SLC17A1: variants seen among roughly 807,000 people sequenced by gnomAD.
SLC17A1 encodes sodium-dependent phosphate transport protein 1.
Under a neutral mutation model 53.5 loss-of-function variants are expected in SLC17A1, and 51 were observed. That is an observed-to-expected ratio of 0.95 (90% CI 0.76 to 1.20). The LOEUF (loss-of-function observed/expected upper bound fraction) is 1.20, where lower values mean the gene tolerates loss of function less well. Ranked by LOEUF, SLC17A1 falls within the 50% of genes most tolerant of loss-of-function variation. The pLI is 0.00. For synonymous variants in SLC17A1, 179 were observed against 198.8 expected, an observed-to-expected ratio of 0.90 and a Z score of 0.84; for missense variants, 538 against 568.2, an observed-to-expected ratio of 0.95 and a Z score of 0.54.
At chr6:25,774,718 G>A in the SLC17A1 span, among the ~76,000 whole-genome samples, 1 of 152,200 alleles carries the variant, frequency 6.6e-6, no homozygotes. Context: ...AGAGGCCAAG[G>A]CTGAGGAAGA....
intron 1 of SLC17A1, among the ~76,000 whole-genome samples, chr6:25,831,030 G>A (rs1246730226): frequency 2.0e-5 from 3 of 152,112 alleles, no homozygotes; most frequent in Admixed American, 1.3e-4. Flanking sequence ...AGTAAGCAAA[G>A]GTAAAACAAA....
chr6:25,831,343 A>G (rs1764939923), intron 1 of SLC17A1, among the ~76,000 whole-genome samples: 1 of 152,188 alleles, frequency 6.6e-6, no homozygotes, highest in Admixed American at 6.5e-5. Flanking sequence ...AGTGCCCCAA[A>G]GATACCAAAG....
At chr6:25,734,979 A>G in the SLC17A1 span, among the ~76,000 whole-genome samples, 5 of 152,240 alleles carry the variant, frequency 3.3e-5, no homozygotes, top group Non-Finnish European at 7.3e-5. Context: ...TTGGAAATCA[A>G]CAGTTCTCAG....
At chr6:25,818,417 G>A (rs565276773) in intron 6 of SLC17A1, among the ~76,000 whole-genome samples, 3 of 152,230 alleles carry the variant, frequency 2.0e-5, no homozygotes, top group East Asian at 3.9e-4. Flanking sequence ...GAATTTCACC[G>A]GATCTCATAC....
intron 10 of SLC17A1, 97 bp downstream of exon 10, chr6:25,811,301 C>G: frequency 7.5e-7 from 1 of 1,334,618 alleles, no homozygotes. Context: ...AGCCATTCCA[C>G]AAAGTATCCA....
chr6:25,783,274 T>C (rs1763306636), intron 12 of SLC17A1, 56 bp from the exon 13 acceptor site: 1 of 152,176 alleles, frequency 6.6e-6, no homozygotes. Flanking sequence ...TTGTGAGTCC[T>C]TGTACACAGA....
intron 12 of SLC17A1, among the ~76,000 whole-genome samples, chr6:25,785,978 C>A (rs1763374402): frequency 2.0e-5 from 3 of 152,156 alleles, no homozygotes; most frequent in Non-Finnish European, 4.4e-5. Flanking sequence ...TAGGTATATA[C>A]CCCACAAAAT....
chr6:25,793,428 C>A (rs1763542887), intron 12 of SLC17A1, among the ~76,000 whole-genome samples: 1 of 152,190 alleles, frequency 6.6e-6, no homozygotes, highest in African/African-American at 2.4e-5. Context: ...AAGAGAGGCA[C>A]ATTATTTTTT....
At chr6:25,726,126 C>CG in the SLC17A1 span, 1 of 1,520,622 alleles carries the variant, frequency 6.6e-7, no homozygotes, top group Non-Finnish European at 8.8e-7. Context: ...CAATGACAAC[C>CG]TTAAGTTACT....
At chr6:25,730,510 G>C in the SLC17A1 span, among the ~76,000 whole-genome samples, 107 of 152,236 alleles carry the variant, frequency 7.0e-4, no homozygotes, top group Admixed American at 2.7e-3. Flanking sequence ...GGGAGTGGTG[G>C]GAAGATATTG....
the SLC17A1 span, chr6:25,773,321 T>C: frequency 6.2e-7 from 1 of 1,613,994 alleles, no homozygotes. Context: ...CTCTCATTTA[T>C]GATGATCCTG....
the SLC17A1 span, chr6:25,726,398 T>A: frequency 1.2e-6 from 2 of 1,614,032 alleles, no homozygotes; most frequent in Non-Finnish European, 1.7e-6. Flanking sequence ...CCTGCCCCTA[T>A]CCGCTCTGCA....
the SLC17A1 span, among the ~76,000 whole-genome samples, chr6:25,750,752 G>C: frequency 6.6e-6 from 1 of 152,048 alleles, no homozygotes; most frequent in South Asian, 2.1e-4. Flanking sequence ...AAAGGAGACT[G>C]TGACTTATCA....
chr6:25,755,608 C>T, the SLC17A1 span, among the ~76,000 whole-genome samples: 1 of 152,118 alleles, frequency 6.6e-6, no homozygotes, highest in Non-Finnish European at 1.5e-5. Flanking sequence ...GAATGGCTGG[C>T]TCCATTTCTT....
At chr6:25,797,169 T>C (rs1424192657) in intron 12 of SLC17A1, among the ~76,000 whole-genome samples, 1 of 152,248 alleles carries the variant, frequency 6.6e-6, no homozygotes, top group Non-Finnish European at 1.5e-5. Flanking sequence ...AAACCCTCCT[T>C]GGTTTTACAT....
chr6:25,728,740 G>C, the SLC17A1 span, among the ~76,000 whole-genome samples: 1 of 152,196 alleles, frequency 6.6e-6, no homozygotes, highest in Non-Finnish European at 1.5e-5. Flanking sequence ...CTTGAACCCG[G>C]GAGGCGGAGG....
In SLC17A1 at chr6:25,819,773, A is replaced by G; in HGVS notation, c.350T>C (p.Leu117Pro). ...GATGAGCAGGCTTAACACAGAGCTGAGGCATAATGCAAAGCCAATCATTTT... is the reference window on the plus strand; with the variant it reads ...GATGAGCAGGCTTAACACAGAGCTGGGGCATAATGCAAAGCCAATCATTTT... Reference protein sequence around the residue: ...TKKMIGFALCLSSVLSLLIPP... With the variant: ...TKKMIGFALCPSSVLSLLIPP... Residue 117 changes from leucine (L) to proline (P), a missense_variant, in exon 4 of 13, where the codon CTC becomes CCC. Coordinates refer to ENST00000244527, the MANE Select transcript of SLC17A1 (RefSeq NM_005074.5). 1 of 1,614,204 alleles carries G rather than the reference A, an allele frequency of 6.2e-7. No individual in the cohort carries two copies. Among genetic ancestry groups the G allele is most frequent in the South Asian group, 1.1e-5 (1 of 91,084 alleles).
intron 2 of SLC17A1, among the ~76,000 whole-genome samples, chr6:25,829,244 C>T (rs895860906): frequency 3.2e-4 from 49 of 152,032 alleles, no homozygotes; most frequent in African/African-American, 1.1e-3. Context: ...TAGTAGGAGA[C>T]CCTCTCCTAA....
chr6:25,734,755 T>A, the SLC17A1 span, among the ~76,000 whole-genome samples: 3 of 152,368 alleles, frequency 2.0e-5, no homozygotes, highest in South Asian at 6.2e-4. Context: ...TTTGTTAATA[T>A]GTTTAGATGG....
Sources: gnomAD v4.1 joint callset for allele counts (sites outside exome capture counted in the v4.1 genomes callset) on GRCh38, gnomAD v4.1.1 for gene constraint, MANE v1.5 for transcripts, NCBI Gene and HGNC (gene_info 2026-07-23, HGNC 2026-07-21) for gene names.